Variants in DLG2 observed in about 807,000 individuals in gnomAD.
DLG2 encodes discs large MAGUK scaffold protein 2, also known as disks large homolog 2.
Under a neutral mutation model 132.5 loss-of-function variants are expected in DLG2, and 45 were observed. The observed-to-expected ratio is 0.34, with a 90% CI of 0.27 to 0.44. The LOEUF is 0.44. Among genes scored for constraint, DLG2 ranks in the 20% least tolerant of loss-of-function variants. The pLI is 1.00. For missense variants in DLG2, 1,045 were observed against 1,196.9 expected, an observed-to-expected ratio of 0.87 and a Z score of 1.87; for synonymous variants, 424 against 419.6, an observed-to-expected ratio of 1.01 and a Z score of -0.13.
At chr11:83,697,625 T>C (rs889160984) in intron 18 of DLG2, among the ~76,000 whole-genome samples, 1 of 152,104 alleles carries the variant, frequency 6.6e-6, no homozygotes, top group East Asian at 1.9e-4. Context: ...AAGACCAAAC[T>C]TGGGAATGGT....
intron 3 of DLG2, among the ~76,000 whole-genome samples, chr11:85,302,268 G>C (rs528937936): frequency 6.6e-6 from 1 of 151,604 alleles, no homozygotes; most frequent in South Asian, 2.1e-4. Flanking sequence ...TCTCTCTGCT[G>C]ATTAAGTTCA....
intron 6 of DLG2, among the ~76,000 whole-genome samples, chr11:84,987,704 T>C (rs1308605562): frequency 1.3e-5 from 2 of 152,142 alleles, no homozygotes; most frequent in Non-Finnish European, 2.9e-5. Flanking sequence ...GCTGGGATAA[T>C]TGGCAAGCCA....
At chr11:83,742,242 C>CAG (rs2092577172) in intron 18 of DLG2, among the ~76,000 whole-genome samples, 1 of 151,262 alleles carries the variant, frequency 6.6e-6, no homozygotes, top group Non-Finnish European at 1.5e-5. Context: ...CACACACACA[C>CAG]AGACGTAACT....
At chr11:84,867,952 C>T (rs1187035967) in intron 6 of DLG2, among the ~76,000 whole-genome samples, 4 of 151,864 alleles carry the variant, frequency 2.6e-5, no homozygotes, top group Non-Finnish European at 5.9e-5. Flanking sequence ...CCGGCGCCTG[C>T]AGTCCCAGCT....
At chr11:85,447,874 A>G (rs957309982) in intron 3 of DLG2, among the ~76,000 whole-genome samples, 11 of 152,176 alleles carry the variant, frequency 7.2e-5, no homozygotes, top group African/African-American at 2.7e-4. Flanking sequence ...AGATAGACAG[A>G]AAAGGCAATT....
intron 18 of DLG2, among the ~76,000 whole-genome samples, chr11:83,645,067 TGAA>T (rs1224830199): frequency 2.0e-5 from 3 of 152,022 alleles, no homozygotes; most frequent in Non-Finnish European, 4.4e-5. Flanking sequence ...TGAGAAATGG[TGAA>T]GAAGATGGGA....
At chr11:84,839,862 T>C (rs928050444) in intron 6 of DLG2, among the ~76,000 whole-genome samples, 63 of 152,092 alleles carry the variant, frequency 4.1e-4, no homozygotes, top group African/African-American at 1.4e-3. Flanking sequence ...AATACTTAAA[T>C]GTTAGGCCTA....
At chr11:85,573,324 T>C (rs1040248131) in intron 3 of DLG2, among the ~76,000 whole-genome samples, 6 of 152,228 alleles carry the variant, frequency 3.9e-5, no homozygotes, top group Admixed American at 3.9e-4. Context: ...CACCTATTTT[T>C]ACAAGCAAAC....
At chr11:84,621,945 G>A (rs1246831005) in intron 6 of DLG2, among the ~76,000 whole-genome samples, 1 of 152,164 alleles carries the variant, frequency 6.6e-6, no homozygotes. Flanking sequence ...CCTATAAATA[G>A]AAAGTTGCTT....
chr11:83,589,077 T>C (rs1489875551), intron 19 of DLG2, among the ~76,000 whole-genome samples: 13 of 146,852 alleles, frequency 8.9e-5, no homozygotes, highest in South Asian at 4.5e-4. Context: ...CAGGATATTA[T>C]CCAGGAGAAC....
At chr11:85,291,585 C>CT (rs11436726) in intron 3 of DLG2, among the ~76,000 whole-genome samples, 6,399 of 138,738 alleles carry the variant, frequency 0.046, 230 homozygotes, top group East Asian at 0.071. Context: ...GGATTCTCTT[C>CT]TTTTTTTTTT....
At chr11:84,303,246 T>C (rs890009317) in intron 7 of DLG2, among the ~76,000 whole-genome samples, 1 of 152,168 alleles carries the variant, frequency 6.6e-6, no homozygotes, top group African/African-American at 2.4e-5. Context: ...GTAAACATAA[T>C]CAACTTTAGA....
At chr11:85,333,402 T>G (rs2081909608) in intron 3 of DLG2, among the ~76,000 whole-genome samples, 1 of 152,206 alleles carries the variant, frequency 6.6e-6, no homozygotes, top group Non-Finnish European at 1.5e-5. Context: ...ATAGTTCAAC[T>G]TCCTATCTGA....
intron 3 of DLG2, among the ~76,000 whole-genome samples, chr11:85,534,976 T>C (rs1287810081): frequency 2.6e-5 from 4 of 152,212 alleles, no homozygotes; most frequent in Admixed American, 2.6e-4. Context: ...AGCGTTCCCT[T>C]TTCTCCACAA....
chr11:84,906,748 A>G (rs2091562506), intron 6 of DLG2, among the ~76,000 whole-genome samples: 1 of 152,182 alleles, frequency 6.6e-6, no homozygotes, highest in South Asian at 2.1e-4. Flanking sequence ...AGTGAGGCCA[A>G]GGGACTAGGG....
At chr11:85,064,455 C>T (rs2064582985) in intron 6 of DLG2, among the ~76,000 whole-genome samples, 1 of 151,716 alleles carries the variant, frequency 6.6e-6, no homozygotes, top group Non-Finnish European at 1.5e-5. Flanking sequence ...ATCTGGAAAT[C>T]AACTCTGACA....
chr11:85,554,505 G>C (rs1350611912), intron 3 of DLG2, among the ~76,000 whole-genome samples: 2 of 151,886 alleles, frequency 1.3e-5, no homozygotes, highest in Non-Finnish European at 2.9e-5. Context: ...CAAGCTGGCT[G>C]TCCTCACTCA....
intron 6 of DLG2, among the ~76,000 whole-genome samples, chr11:85,052,478 T>A (rs560318832): frequency 6.6e-6 from 1 of 152,328 alleles, no homozygotes; most frequent in South Asian, 2.1e-4. Context: ...CCTTGAAAAC[T>A]GTGAGCCACA....
chr11:84,743,375 C>A (rs935449298), intron 6 of DLG2, among the ~76,000 whole-genome samples: 1 of 152,098 alleles, frequency 6.6e-6, no homozygotes, highest in African/African-American at 2.4e-5. Flanking sequence ...GTATACCAAC[C>A]ATCTTTAGTA....
Sources: gnomAD v4.1 joint callset for allele counts (sites outside exome capture counted in the v4.1 genomes callset) on GRCh38, gnomAD v4.1.1 for gene constraint, MANE v1.5 for transcripts, NCBI Gene and HGNC (gene_info 2026-07-23, HGNC 2026-07-21) for gene names.